The following MTMR8 variants were observed in gnomAD, a reference collection of about 807,000 sequenced individuals.
MTMR8 encodes myotubularin related protein 8.
In MTMR8, 65 loss-of-function variants were observed where a neutral mutation model predicts 39.3. The observed-to-expected ratio is 1.65, with a 90% CI of 1.35 to 2.03. The LOEUF is 2.03. Among genes scored for constraint, MTMR8 ranks in the 30% most tolerant of loss-of-function variants. The pLI, the probability that MTMR8 is intolerant of heterozygous loss-of-function variation, is 0.00. For missense variants in MTMR8, 777 were observed against 538.9 expected (o/e 1.44, Z -4.37); for synonymous variants, 245 against 185.2 (o/e 1.32, Z -2.62).
At chrX:64,285,515 T>A (rs1404072080) in intron 12 of MTMR8, among the ~76,000 whole-genome samples, 2 of 111,612 alleles carry the variant, frequency 1.8e-5, no homozygotes, top group African/African-American at 6.5e-5. Context: ...ATCAACAGAA[T>A]ATACATTCTT....
Position 64,331,723 on chromosome X carries a change from A to G in MTMR8, c.1186T>C (p.Ser396Pro). ...GHLDGDSKEV[S>P]PIFTQFLDCI... ...TCTAGGAACTGGGTGAAGATAGGGG[A>G]CACTTCTTTAGAGTCCCCATCGAGG... Residue 396 changes from serine (S) to proline (P), a missense_variant, in exon 11 of 14, where the codon TCC (serine) becomes CCC (proline). Physicochemically the swap from Ser to Pro is moderately conservative, Grantham distance 74. Coordinates refer to ENST00000374852, the MANE Select transcript of MTMR8 (RefSeq NM_017677.4). The G allele has an allele frequency of 8.3e-7, 1 of 1,210,292 alleles. No individual in the cohort carries two copies. The highest frequency in any genetic ancestry group is 1.1e-6 in the Non-Finnish European group (1 of 894,517).
At chrX:64,359,875 A>G (rs1455536126) in intron 1 of MTMR8, among the ~76,000 whole-genome samples, 3 of 108,367 alleles carry the variant, frequency 2.8e-5, no homozygotes, top group African/African-American at 1.0e-4. Flanking sequence ...AAAAATCAGT[A>G]AGGGTAAATA....
intron 12 of MTMR8, among the ~76,000 whole-genome samples, chrX:64,308,317 G>T (rs1922187500): frequency 1.1e-5 from 1 of 93,002 alleles, no homozygotes; most frequent in Admixed American, 1.1e-4. Flanking sequence ...ATCACGGCTG[G>T]CTATTTTTTT....
chrX:64,343,432 T>C (rs776379049), intron 8 of MTMR8, among the ~76,000 whole-genome samples, 179 bp downstream of exon 8: 26 of 112,137 alleles, frequency 2.3e-4, no homozygotes, highest in Admixed American at 2.3e-3. Context: ...TGTTTAAAGA[T>C]GGAGACACTG....
intron 1 of MTMR8, among the ~76,000 whole-genome samples, chrX:64,392,063 G>A (rs1423459035): frequency 8.9e-6 from 1 of 111,733 alleles, no homozygotes; most frequent in Non-Finnish European, 1.9e-5. Context: ...AGATAGGAGA[G>A]TCACCAAACT....
At chrX:64,274,653 T>C (rs1424071798) in intron 12 of MTMR8, among the ~76,000 whole-genome samples, 2 of 111,963 alleles carry the variant, frequency 1.8e-5, no homozygotes, top group African/African-American at 3.2e-5. Flanking sequence ...GGACTCAACC[T>C]AAGAGTCCAT....
intron 12 of MTMR8, among the ~76,000 whole-genome samples, chrX:64,314,287 G>A (rs765782755): frequency 3.5e-5 from 4 of 112,896 alleles, no homozygotes; most frequent in East Asian, 2.8e-4. Flanking sequence ...GCAGCACAGC[G>A]GGGTGCATGC....
chrX:64,362,771 T>C lies in MTMR8; in HGVS notation c.25-3244A>G, dbSNP rs1004480590. ...GAAAAAATGCAGAGTACCTTGGATCTATGAACAGGGAAAGACTTTTTAAAA... is the reference window on the plus strand; with the variant it reads ...GAAAAAATGCAGAGTACCTTGGATCCATGAACAGGGAAAGACTTTTTAAAA... On this transcript the variant is annotated intron_variant, in intron 1 of 13. Transcript: ENST00000374852. 2.7e-5 allele frequency among the ~76,000 whole-genome samples: 3 copies of C among 110,693 alleles called. No individual in the cohort carries two copies. In the Admixed American group the frequency reaches 2.9e-4, roughly 11 times the overall value.
intron 12 of MTMR8, among the ~76,000 whole-genome samples, chrX:64,271,405 C>T (rs949212945): frequency 8.0e-5 from 9 of 111,870 alleles, no homozygotes; most frequent in Non-Finnish European, 1.1e-4. Flanking sequence ...AGCAAGATGG[C>T]AGAATAGGAA....
chrX:64,364,405 G>A (rs1923886148), intron 1 of MTMR8, among the ~76,000 whole-genome samples: 1 of 111,935 alleles, frequency 8.9e-6, no homozygotes, highest in South Asian at 3.8e-4. Flanking sequence ...GGATCAGGCA[G>A]CAATATTTGC....
intron 1 of MTMR8, among the ~76,000 whole-genome samples, chrX:64,365,863 C>T (rs893793629): frequency 2.1e-4 from 23 of 110,965 alleles, no homozygotes; most frequent in Admixed American, 9.6e-5. Flanking sequence ...TTCAGGAGAG[C>T]CATCTCACAT....
At chrX:64,389,686 T>A (rs1223756760) in intron 1 of MTMR8, among the ~76,000 whole-genome samples, 1 of 111,693 alleles carries the variant, frequency 9.0e-6, no homozygotes, top group East Asian at 2.8e-4. Flanking sequence ...CTCCCATGAC[T>A]AATGTATACT....
chrX:64,384,935 A>G (rs1348558114), intron 1 of MTMR8, among the ~76,000 whole-genome samples: 2 of 112,490 alleles, frequency 1.8e-5, no homozygotes, highest in Non-Finnish European at 3.8e-5. Context: ...CTTCTTCTGA[A>G]AATGTGCTTT....
rs189753307 is a variant in MTMR8, at chrX:64,317,263, G to A, written c.1481+11509C>T. ...CTTTTGCCATACTGGAATATTATCA[G>A]CCATTATTTATTTGAGTGCTTTTTG... is the stretch of plus-strand genomic sequence containing the variant. On this transcript the variant is annotated intron_variant, in intron 12 of 13. Transcript: ENST00000374852. 6.3e-5 allele frequency among the ~76,000 whole-genome samples: 7 copies of A among 111,460 alleles called. No homozygotes were observed. The East Asian group carries it at 2.0e-3, about 31-fold the overall frequency.
intron 1 of MTMR8, 79 bp downstream of exon 1, chrX:64,395,261 G>A: frequency 9.6e-7 from 1 of 1,044,132 alleles, no homozygotes; most frequent in African/African-American, 1.8e-5. Context: ...TGAGAAGGCT[G>A]AGGAGGTGTG....
chrX:64,320,260 C>T (rs183791481), intron 12 of MTMR8, among the ~76,000 whole-genome samples: 14 of 110,861 alleles, frequency 1.3e-4, no homozygotes, highest in African/African-American at 4.3e-4. Flanking sequence ...ATTTTGTATC[C>T]TGAGACTTAA....
chrX:64,283,660 G>C (rs886322160), intron 12 of MTMR8, among the ~76,000 whole-genome samples: 8 of 112,539 alleles, frequency 7.1e-5, no homozygotes, highest in Non-Finnish European at 1.9e-5. Flanking sequence ...AACATTTGCT[G>C]TTGAGCAATA....
chrX:64,337,181 C>A (rs919478040), intron 9 of MTMR8, 87 bp downstream of exon 9: 3 of 1,049,328 alleles, frequency 2.9e-6, no homozygotes, highest in Admixed American at 3.0e-5. Flanking sequence ...CTAACTCTGG[C>A]AAAAAAAATA....
At chrX:64,390,011 T>C (rs1397730974) in intron 1 of MTMR8, among the ~76,000 whole-genome samples, 1 of 112,137 alleles carries the variant, frequency 8.9e-6, no homozygotes, top group Non-Finnish European at 1.9e-5. Flanking sequence ...GGAAATCTCA[T>C]TTCCTTCATA....
Sources: allele counts gnomAD v4.1 joint callset (sites outside exome capture counted in the v4.1 genomes callset), GRCh38; gene constraint gnomAD v4.1.1; transcripts MANE v1.5; gene names NCBI Gene and HGNC (gene_info 2026-07-23, HGNC 2026-07-21).